Variants in DIAPH3 observed in about 807,000 individuals in gnomAD.
The protein encoded by DIAPH3 is diaphanous related formin 3.
In DIAPH3, 117 loss-of-function variants were observed where a neutral mutation model predicts 144.3. The ratio of observed to expected loss-of-function variants is 0.81; its 90% CI spans 0.70 to 0.95. DIAPH3 has a LOEUF of 0.95. DIAPH3 is among the 40% of genes least tolerant of loss of function. The probability of loss-of-function intolerance (pLI) is 0.00; values close to 1 mark genes in which losing one functional copy is unlikely to be tolerated. For synonymous variants in DIAPH3, 519 were observed against 488.9 expected, an observed-to-expected ratio of 1.06 and a Z score of -0.81; for missense variants, 1,421 against 1,412.7, an observed-to-expected ratio of 1.01 and a Z score of -0.09.
intron 27 of DIAPH3, among the ~76,000 whole-genome samples, chr13:59,720,630 T>C (rs1362400468): frequency 6.6e-6 from 1 of 152,048 alleles, no homozygotes; most frequent in African/African-American, 2.4e-5. Context: ...GTCGAACAAA[T>C]AAAATGCTGT....
At chr13:60,068,937 G>T (rs2057087708) in intron 4 of DIAPH3, among the ~76,000 whole-genome samples, 1 of 87,214 alleles carries the variant, frequency 1.1e-5, no homozygotes, top group South Asian at 3.7e-4. Context: ...TGTGAAAAGT[G>T]CTGCAATGAA....
chr13:60,096,368 T>C (rs1050970004), intron 3 of DIAPH3, among the ~76,000 whole-genome samples: 3 of 152,210 alleles, frequency 2.0e-5, no homozygotes, highest in African/African-American at 7.2e-5. Flanking sequence ...GTAGAAAGAA[T>C]TTTTTAAAAA....
intron 17 of DIAPH3, among the ~76,000 whole-genome samples, chr13:59,965,385 A>G (rs1289225991): frequency 6.6e-6 from 1 of 152,134 alleles, no homozygotes; most frequent in African/African-American, 2.4e-5. Flanking sequence ...ATATACTTTC[A>G]GAAAGCCCTT....
At chr13:60,070,064 T>C (rs781778451) in intron 4 of DIAPH3, among the ~76,000 whole-genome samples, 1 of 152,210 alleles carries the variant, frequency 6.6e-6, no homozygotes, top group Non-Finnish European at 1.5e-5. Flanking sequence ...TCAAATTGCT[T>C]TGGGCAGTAT....
intron 27 of DIAPH3, among the ~76,000 whole-genome samples, chr13:59,757,713 C>A (rs1306891471): frequency 6.6e-6 from 1 of 152,072 alleles, no homozygotes; most frequent in Admixed American, 6.6e-5. Context: ...TATGGGTCAT[C>A]TTTACTACAC....
At chr13:59,730,482 G>C (rs778490137) in intron 27 of DIAPH3, among the ~76,000 whole-genome samples, 3 of 152,116 alleles carry the variant, frequency 2.0e-5, no homozygotes, top group Non-Finnish European at 2.9e-5. Flanking sequence ...ATTATAAAAG[G>C]AGAGATTGTA....
chr13:59,737,631 C>G (rs574119432), intron 27 of DIAPH3, among the ~76,000 whole-genome samples: 15 of 152,262 alleles, frequency 9.9e-5, no homozygotes, highest in African/African-American at 3.6e-4. Context: ...TGATGTAAAT[C>G]TTGATTTAGG....
At chr13:59,970,630 T>C (rs1239395126) in intron 16 of DIAPH3, among the ~76,000 whole-genome samples, 2 of 152,088 alleles carry the variant, frequency 1.3e-5, no homozygotes, top group Non-Finnish European at 2.9e-5. Flanking sequence ...TCTCACTGTA[T>C]TTATAAAGCA....
intron 26 of DIAPH3, 77 bp from the exon 27 acceptor site, chr13:59,774,325 T>A (rs1489841726): frequency 4.0e-6 from 5 of 1,243,860 alleles, no homozygotes; most frequent in East Asian, 2.5e-5. Flanking sequence ...TTAGACATAC[T>A]TTTTTCCAAG....
intron 24 of DIAPH3, among the ~76,000 whole-genome samples, chr13:59,830,236 C>T (rs1439171221): frequency 6.6e-6 from 1 of 151,760 alleles, no homozygotes; most frequent in East Asian, 1.9e-4. Flanking sequence ...AATATTGCTA[C>T]TCTGGACTTC....
In DIAPH3 at chr13:59,833,090, C is replaced by T; in HGVS notation, c.3027+17G>A. 6.2e-7 allele frequency: 1 copy of T among 1,600,256 alleles called. No individual in the cohort carries two copies. Among genetic ancestry groups the T allele is most frequent in the Non-Finnish European group, 8.5e-7 (1 of 1,173,146 alleles). ...ATAAATAAAAAAACTTTTTAAAAAA[C>T]AATTTTTTTACCATACCATGAATGT... On this transcript the variant is annotated intron_variant, in intron 24 of 27. Transcript: ENST00000400324.
intron 4 of DIAPH3, among the ~76,000 whole-genome samples, chr13:60,061,487 C>T (rs1406373742): frequency 4.0e-5 from 6 of 151,516 alleles, no homozygotes; most frequent in Non-Finnish European, 8.8e-5. Flanking sequence ...CAAAGAGGCA[C>T]GTTCAGGTGG....
At chr13:59,851,117 A>G (rs1459621539) in intron 22 of DIAPH3, among the ~76,000 whole-genome samples, 3 of 152,050 alleles carry the variant, frequency 2.0e-5, no homozygotes, top group Admixed American at 6.6e-5. Flanking sequence ...CATTGATGCA[A>G]AACTCCTCAA....
Position 59,895,431 on chromosome 13 carries a change from A to G in DIAPH3, c.2368-15963T>C, listed in dbSNP as rs544759211. On this transcript the variant is annotated intron_variant, in intron 20 of 27. Transcript: ENST00000400324. ...AGGAAACTTGATCCAATGTTAAAGGAAAAAAAAAAAAACAAAAAAAAAACA... is the reference window on the plus strand; with the variant it reads ...AGGAAACTTGATCCAATGTTAAAGGGAAAAAAAAAAAACAAAAAAAAAACA... Among the ~76,000 whole-genome samples the G allele has an allele frequency of 2.0e-4, 26 of 131,984 alleles. No individual in the cohort carries two copies. The East Asian group carries it at 5.1e-3, about 26-fold the overall frequency. 86.6% of individuals were successfully genotyped at this position (131,984 alleles called of 152,430 possible). A position where few individuals can be genotyped will look rare whatever the true frequency, so the allele number is the denominator to read the frequency against.
chr13:59,969,154 A>G (rs1304116913), intron 17 of DIAPH3, among the ~76,000 whole-genome samples: 2 of 152,226 alleles, frequency 1.3e-5, no homozygotes, highest in African/African-American at 4.8e-5. Flanking sequence ...ATTGGATGAA[A>G]TAAGTTCAAT....
chr13:59,725,017 G>A (rs569457965), intron 27 of DIAPH3, among the ~76,000 whole-genome samples: 6 of 152,126 alleles, frequency 3.9e-5, no homozygotes, highest in Non-Finnish European at 8.8e-5. Flanking sequence ...GTTTTTAGTT[G>A]TTAAAAGTGT....
intron 27 of DIAPH3, among the ~76,000 whole-genome samples, chr13:59,719,460 A>G (rs2035229948): frequency 6.6e-6 from 1 of 152,146 alleles, no homozygotes; most frequent in Non-Finnish European, 1.5e-5. Flanking sequence ...GGCTCTAAGC[A>G]AAAAGGTGAA....
intron 4 of DIAPH3, among the ~76,000 whole-genome samples, chr13:60,059,436 T>G (rs953991957): frequency 6.6e-6 from 1 of 152,090 alleles, no homozygotes; most frequent in African/African-American, 2.4e-5. Flanking sequence ...TTATGCTATT[T>G]ATAAGGTACA....
At chr13:59,689,192 C>T (rs770392778) in intron 27 of DIAPH3, among the ~76,000 whole-genome samples, 33 of 151,926 alleles carry the variant, frequency 2.2e-4, no homozygotes, top group Non-Finnish European at 3.8e-4. Context: ...AGCTTAAATA[C>T]AGGGGAGAAA....
Sources: allele counts gnomAD v4.1 joint callset (sites outside exome capture counted in the v4.1 genomes callset), GRCh38; gene constraint gnomAD v4.1.1; transcripts MANE v1.5; gene names NCBI Gene and HGNC (gene_info 2026-07-23, HGNC 2026-07-21).